Variants in MAGI2 observed in about 807,000 individuals in gnomAD.
MAGI2 encodes the protein membrane-associated guanylate kinase, WW and PDZ domain-containing protein 2.
MAGI2 carries 35 observed loss-of-function variants against 133.3 expected under a neutral mutation model. The observed-to-expected ratio is 0.26, with a 90% confidence interval of 0.20 to 0.35. The LOEUF (loss-of-function observed/expected upper bound fraction) is 0.35, where lower values mean the gene tolerates loss of function less well. Ranked by LOEUF, MAGI2 falls within the 10% of genes least tolerant of loss-of-function variation. The pLI, the probability that MAGI2 is intolerant of heterozygous loss-of-function variation, is 1.00. For missense variants in MAGI2, 1,636 were observed against 1,863.4 expected, an observed-to-expected ratio of 0.88 and a Z score of 2.25; for synonymous variants, 729 against 710.6, an observed-to-expected ratio of 1.03 and a Z score of -0.41.
chr7:78,262,144 T>C (rs1368556737), intron 9 of MAGI2, among the ~76,000 whole-genome samples: 2 of 152,176 alleles, frequency 1.3e-5, no homozygotes, highest in Non-Finnish European at 2.9e-5. Flanking sequence ...GATCTTACCA[T>C]GGTTCTACTG....
intron 1 of MAGI2, among the ~76,000 whole-genome samples, chr7:79,314,696 G>C (rs1309480877): frequency 6.6e-6 from 1 of 152,056 alleles, no homozygotes; most frequent in African/African-American, 2.4e-5. Context: ...AACCAACATG[G>C]CTCATTTTCC....
intron 1 of MAGI2, among the ~76,000 whole-genome samples, chr7:79,131,848 C>T (rs989860933): frequency 1.4e-4 from 21 of 152,004 alleles, no homozygotes; most frequent in South Asian, 4.2e-4. Context: ...TTCAATGTTT[C>T]GCAAATTTGA....
intron 10 of MAGI2, chr7:78,255,570 C>T (rs1201427636): frequency 7.1e-6 from 3 of 424,560 alleles, no homozygotes; most frequent in East Asian, 5.2e-5. Context: ...TTGCTTCCAT[C>T]GTAAAAGCAG....
intron 2 of MAGI2, among the ~76,000 whole-genome samples, chr7:78,812,376 C>G (rs1789146124): frequency 6.6e-6 from 1 of 152,146 alleles, no homozygotes; most frequent in Non-Finnish European, 1.5e-5. Flanking sequence ...TACACTTTTA[C>G]AAATCCTAGT....
intron 1 of MAGI2, among the ~76,000 whole-genome samples, chr7:79,076,159 T>A (rs887791534): frequency 1.5e-4 from 23 of 152,206 alleles, no homozygotes; most frequent in Non-Finnish European, 5.9e-5. Context: ...TTATGGTGCA[T>A]CAAACTCACT....
At chr7:78,739,684 T>C (rs1302068403) in intron 2 of MAGI2, among the ~76,000 whole-genome samples, 1 of 152,194 alleles carries the variant, frequency 6.6e-6, no homozygotes, top group Non-Finnish European at 1.5e-5. Context: ...TAAACGGTGT[T>C]TTCTTCTTAA....
chr7:78,681,204 C>T (rs1348780457), intron 2 of MAGI2, among the ~76,000 whole-genome samples: 4 of 152,052 alleles, frequency 2.6e-5, no homozygotes, highest in Non-Finnish European at 4.4e-5. Flanking sequence ...GGTGAAACTG[C>T]CCCTGTTTGA....
At chr7:79,295,015 G>A (rs1836819502) in intron 1 of MAGI2, among the ~76,000 whole-genome samples, 1 of 151,922 alleles carries the variant, frequency 6.6e-6, no homozygotes, top group Non-Finnish European at 1.5e-5. Context: ...TGGGATTACA[G>A]GCTTGAGCCA....
intron 6 of MAGI2, among the ~76,000 whole-genome samples, chr7:78,383,851 G>A (rs1051955858): frequency 2.6e-5 from 4 of 152,056 alleles, no homozygotes; most frequent in African/African-American, 9.7e-5. Context: ...TGAAGAGGGT[G>A]TCCTTTTCCC....
chr7:78,466,214 C>A (rs1237585554), intron 6 of MAGI2, among the ~76,000 whole-genome samples: 2 of 152,196 alleles, frequency 1.3e-5, no homozygotes, highest in Non-Finnish European at 2.9e-5. Flanking sequence ...CTTTTCCGAT[C>A]TGCTATTTGC....
intron 2 of MAGI2, among the ~76,000 whole-genome samples, chr7:78,738,189 G>T (rs1306160901): frequency 2.0e-5 from 3 of 152,002 alleles, no homozygotes; most frequent in Admixed American, 2.0e-4. Flanking sequence ...GTCACAGAGG[G>T]CTGAAGCAAT....
chr7:79,332,921 G>T (rs199564911), intron 1 of MAGI2, among the ~76,000 whole-genome samples: 1 of 151,940 alleles, frequency 6.6e-6, no homozygotes, highest in East Asian at 1.9e-4. Context: ...TGTTTGATGC[G>T]CATAAATATG....
chr7:79,092,827 A>G (rs187402179), intron 1 of MAGI2, among the ~76,000 whole-genome samples: 51 of 152,258 alleles, frequency 3.3e-4, no homozygotes, highest in Admixed American at 7.9e-4. Context: ...GCATCACTAC[A>G]TCAACCCCTA....
At chr7:78,291,102 A>G (rs1358742295) in intron 9 of MAGI2, among the ~76,000 whole-genome samples, 1 of 152,224 alleles carries the variant, frequency 6.6e-6, no homozygotes, top group Non-Finnish European at 1.5e-5. Flanking sequence ...TGAAGAAAAT[A>G]GAGACACAAA....
intron 2 of MAGI2, among the ~76,000 whole-genome samples, chr7:78,952,229 A>G (rs927669925): frequency 6.6e-6 from 1 of 152,148 alleles, no homozygotes; most frequent in African/African-American, 2.4e-5. Context: ...TTCTGGAACA[A>G]AAGTTTGAGG....
At chr7:79,310,196 G>GAAA (rs1838168417) in intron 1 of MAGI2, among the ~76,000 whole-genome samples, 1 of 40,118 alleles carries the variant, frequency 2.5e-5, no homozygotes, top group Non-Finnish European at 4.2e-5. Flanking sequence ...AAAAAAAAAA[G>GAAA]AGAGAGAGAG....
rs1176426138 is a variant in MAGI2, at chr7:79,416,725, C to CTTTTTTTTTTTTTTTTTTTTTT, written c.301+36294_301+36295insAAAAAAAAAAAAAAAAAAAAAA. On this transcript the variant is annotated intron_variant, in intron 1 of 21. Coordinates refer to ENST00000354212, the MANE Select transcript of MAGI2 (RefSeq NM_012301.4). Reference sequence around the variant, plus strand: ...TTCTTTTTTCTTTTCTTTTCTTTTTCTTTTTCTTTTTTTTTTTTTGAGGTG... The same window carrying CTTTTTTTTTTTTTTTTTTTTTT: ...TTCTTTTTTCTTTTCTTTTCTTTTTCTTTTTTTTTTTTTTTTTTTTTTTTTTTCTTTTTTTTTTTTTGAGGTG... Among the ~76,000 whole-genome samples, 29 of 102,454 alleles carry CTTTTTTTTTTTTTTTTTTTTTT rather than the reference C, an allele frequency of 2.8e-4. 2 individuals are homozygous for CTTTTTTTTTTTTTTTTTTTTTT. The highest frequency in any genetic ancestry group is 5.4e-4 in the African/African-American group (13 of 24,044). 67.2% of individuals were successfully genotyped at this position (102,454 alleles called of 152,430 possible). A position where few individuals can be genotyped will look rare whatever the true frequency, so the allele number is the denominator to read the frequency against.
chr7:79,219,652 G>C lies in MAGI2; in HGVS notation c.302-212446C>G, dbSNP rs112889060. On this transcript the variant is annotated intron_variant, in intron 1 of 21. Transcript: ENST00000354212. ...GCTTCAGGGACATAGAATGACAAAT[G>C]AATGAGACATATATTGAAGCTGTTT... Among the ~76,000 whole-genome samples, 1,219 of 152,120 alleles carry C rather than the reference G, an allele frequency of 8.0e-3. 28 individuals carry two copies. The highest frequency in any genetic ancestry group is 0.028 in the African/African-American group (1,149 of 41,402).
chr7:78,318,708 G>T (rs748876816), intron 9 of MAGI2, among the ~76,000 whole-genome samples: 25 of 152,106 alleles, frequency 1.6e-4, no homozygotes, highest in Non-Finnish European at 3.7e-4. Flanking sequence ...AAATGTTAAG[G>T]GCAGCCAAAG....
Sources: allele counts gnomAD v4.1 joint callset (sites outside exome capture counted in the v4.1 genomes callset), GRCh38; gene constraint gnomAD v4.1.1; transcripts MANE v1.5; gene names NCBI Gene and HGNC (gene_info 2026-07-23, HGNC 2026-07-21).